PDE10A: variants seen among roughly 807,000 people sequenced by gnomAD.
The protein encoded by PDE10A is cAMP and cAMP-inhibited cGMP 3',5'-cyclic phosphodiesterase 10A.
PDE10A carries 39 observed loss-of-function variants against 97.7 expected under a neutral mutation model. The ratio of observed to expected loss-of-function variants is 0.40; its 90% CI spans 0.31 to 0.52. The LOEUF is 0.52. Ranked by LOEUF, PDE10A falls within the 20% of genes least tolerant of loss-of-function variation. The probability of loss-of-function intolerance (pLI) is 0.56; values close to 1 mark genes in which losing one functional copy is unlikely to be tolerated. For missense variants in PDE10A, 731 were observed against 1,047.8 expected, an observed-to-expected ratio of 0.70 and a Z score of 4.17; for synonymous variants, 371 against 376.8, an observed-to-expected ratio of 0.98 and a Z score of 0.18.
At chr6:165,930,826 G>A (rs1268181463) in intron 1 of PDE10A, among the ~76,000 whole-genome samples, 2 of 152,218 alleles carry the variant, frequency 1.3e-5, no homozygotes, top group African/African-American at 4.8e-5. Flanking sequence ...GAAGGCTCCC[G>A]GCTCACTGAC....
intron 1 of PDE10A, among the ~76,000 whole-genome samples, chr6:165,567,148 A>T (rs1784815782): frequency 6.6e-6 from 1 of 152,216 alleles, no homozygotes; most frequent in Non-Finnish European, 1.5e-5. Flanking sequence ...ATGGAATAAT[A>T]TGAGTGAAGT....
intron 2 of PDE10A, among the ~76,000 whole-genome samples, chr6:165,510,215 G>C (rs1781431839): frequency 6.6e-6 from 1 of 151,838 alleles, no homozygotes; most frequent in Non-Finnish European, 1.5e-5. Context: ...TGTGGGTCTG[G>C]CATATATGGT....
intron 1 of PDE10A, among the ~76,000 whole-genome samples, chr6:165,752,490 G>A (rs1389034595): frequency 6.6e-6 from 1 of 152,130 alleles, no homozygotes; most frequent in Non-Finnish European, 1.5e-5. Flanking sequence ...AAGATTTTGA[G>A]ATAATTTGTT....
chr6:165,441,039 A>G (rs2128243316), intron 5 of PDE10A, among the ~76,000 whole-genome samples: 1 of 152,340 alleles, frequency 6.6e-6, no homozygotes, highest in South Asian at 2.1e-4. Flanking sequence ...TCTCAAGAGC[A>G]CTTTGTCTAT....
In PDE10A at chr6:165,328,931, G is replaced by C. The variant is rs751746410; in HGVS notation, c.*4094C>G. The C allele has an allele frequency of 6.6e-6, 1 of 152,200 alleles. No homozygotes were observed. Among genetic ancestry groups the C allele is most frequent in the African/African-American group, 2.4e-5 (1 of 41,448 alleles). 9.4% of individuals were successfully genotyped at this position (152,200 alleles called of 1,614,324 possible). On this transcript the variant is annotated 3_prime_UTR_variant, in exon 22 of 22. Coordinates refer to ENST00000539869, the MANE Select transcript of PDE10A (RefSeq NM_001385079.1). ...GTATTGGCTAAATACTTATGCACAT[G>C]TAAAAATCTCATGGCCATGCGCTGA...
intron 1 of PDE10A, among the ~76,000 whole-genome samples, chr6:165,576,786 T>C (rs940963959): frequency 5.3e-5 from 8 of 152,256 alleles, no homozygotes; most frequent in Admixed American, 2.6e-4. Flanking sequence ...ACCTTCACAG[T>C]GTTTCTGCCT....
intron 1 of PDE10A, among the ~76,000 whole-genome samples, chr6:165,925,983 A>G (rs1338285000): frequency 1.3e-5 from 2 of 152,244 alleles, no homozygotes; most frequent in East Asian, 3.8e-4. Context: ...GGGAACTGCA[A>G]GAAGGGTATA....
At chr6:165,730,404 C>G (rs1792400640) in intron 1 of PDE10A, among the ~76,000 whole-genome samples, 1 of 152,152 alleles carries the variant, frequency 6.6e-6, no homozygotes. Flanking sequence ...AGCATTTTCT[C>G]TATTATCCTG....
At chr6:165,905,537 A>G (rs1307007274) in intron 1 of PDE10A, among the ~76,000 whole-genome samples, 1 of 152,194 alleles carries the variant, frequency 6.6e-6, no homozygotes, top group Non-Finnish European at 1.5e-5. Flanking sequence ...TCTAAAACAC[A>G]TATGTATATA....
chr6:165,550,370 A>T (rs746766152), intron 1 of PDE10A, among the ~76,000 whole-genome samples: 2 of 152,214 alleles, frequency 1.3e-5, no homozygotes, highest in African/African-American at 2.4e-5. Context: ...TTTAGCCCAG[A>T]TACAAACAAT....
At chr6:165,839,971 T>TCTC (rs1780198714) in intron 1 of PDE10A, among the ~76,000 whole-genome samples, 1 of 48,928 alleles carries the variant, frequency 2.0e-5, no homozygotes, top group Non-Finnish European at 4.3e-5. Flanking sequence ...ATCTCTGTCT[T>TCTC]CATCCCCATC....
chr6:165,641,885 T>G (rs986474865), intron 1 of PDE10A, among the ~76,000 whole-genome samples: 1 of 152,146 alleles, frequency 6.6e-6, no homozygotes, highest in Non-Finnish European at 1.5e-5. Flanking sequence ...TCATCTCAAC[T>G]CTCCAGCCAC....
chr6:165,701,190 C>A (rs570860420), intron 1 of PDE10A, among the ~76,000 whole-genome samples: 1 of 152,346 alleles, frequency 6.6e-6, no homozygotes, highest in South Asian at 2.1e-4. Flanking sequence ...AGATGCCTGG[C>A]AGCAAATTCC....
chr6:165,342,976 T>C (rs1169017031), intron 19 of PDE10A, among the ~76,000 whole-genome samples: 1 of 152,252 alleles, frequency 6.6e-6, no homozygotes, highest in East Asian at 1.9e-4. Context: ...TCAATGTCTA[T>C]GGTGCAAAAC....
chr6:165,712,671 G>C (rs1404986948), intron 1 of PDE10A, among the ~76,000 whole-genome samples: 1 of 115,360 alleles, frequency 8.7e-6, no homozygotes, highest in Non-Finnish European at 1.6e-5. Context: ...GTGGAGTCTC[G>C]CTCTGTCGCC....
At chr6:165,601,059 G>C (rs1786916336) in intron 1 of PDE10A, among the ~76,000 whole-genome samples, 1 of 152,212 alleles carries the variant, frequency 6.6e-6, no homozygotes, top group South Asian at 2.1e-4. Flanking sequence ...TGGGACCCAG[G>C]GGGGTGGTAA....
intron 1 of PDE10A, among the ~76,000 whole-genome samples, chr6:165,605,316 C>T (rs936158882): frequency 3.9e-5 from 6 of 152,188 alleles, no homozygotes; most frequent in African/African-American, 1.4e-4. Context: ...TGAGCCCTTC[C>T]ACTCGTTCCG....
intron 1 of PDE10A, among the ~76,000 whole-genome samples, chr6:165,899,625 A>G (rs1012679479): frequency 3.9e-5 from 6 of 152,244 alleles, no homozygotes; most frequent in South Asian, 2.1e-4. Context: ...CTGACTGAAC[A>G]TGGAATCCTT....
At chr6:165,583,070 G>C (rs1442340756) in intron 1 of PDE10A, among the ~76,000 whole-genome samples, 1 of 152,186 alleles carries the variant, frequency 6.6e-6, no homozygotes, top group Non-Finnish European at 1.5e-5. Flanking sequence ...GCATTAGTCT[G>C]AATTTGTTGA....
Sources: allele counts gnomAD v4.1 joint callset (sites outside exome capture counted in the v4.1 genomes callset), GRCh38; gene constraint gnomAD v4.1.1; transcripts MANE v1.5; gene names NCBI Gene and HGNC (gene_info 2026-07-23, HGNC 2026-07-21).